The following DNER variants were observed in gnomAD, a reference collection of about 807,000 sequenced individuals.
The protein encoded by DNER is delta and Notch-like epidermal growth factor-related receptor.
In DNER, 33 loss-of-function variants were observed where a neutral mutation model predicts 78.2. The observed-to-expected ratio is 0.42, with a 90% CI of 0.32 to 0.56. The LOEUF (loss-of-function observed/expected upper bound fraction) is 0.56. Ranked by LOEUF, DNER falls within the 20% of genes least tolerant of loss-of-function variation. The pLI is 0.11. For synonymous variants in DNER, 417 were observed against 384.8 expected, an observed-to-expected ratio of 1.08 and a Z score of -0.98; for missense variants, 918 against 975.3, an observed-to-expected ratio of 0.94 and a Z score of 0.78.
Position 229,556,103 on chromosome 2 carries a change from T to A in DNER, c.848-9011A>T, listed in dbSNP as rs75306433. 7.5e-3 allele frequency among the ~76,000 whole-genome samples: 1,141 copies of A among 152,374 alleles called. 4 individuals carry two copies. The highest frequency in any genetic ancestry group is 0.02 in the Middle Eastern group (6 of 294). On this transcript the variant is annotated intron_variant, in intron 4 of 12. Transcript: ENST00000341772. Reference sequence around the variant, plus strand: ...GTTTTAAAGTCCTATTTAACTATTATACTTACCCAGCAATAATGCAAATGA... The same window carrying A: ...GTTTTAAAGTCCTATTTAACTATTAAACTTACCCAGCAATAATGCAAATGA...
chr2:229,409,664 C>T (rs1419743069), intron 9 of DNER, among the ~76,000 whole-genome samples: 2 of 152,028 alleles, frequency 1.3e-5, no homozygotes, highest in African/African-American at 4.8e-5. Context: ...GGAGACAATA[C>T]TTTTTTCCCT....
intron 8 of DNER, among the ~76,000 whole-genome samples, chr2:229,441,879 G>A (rs900300266): frequency 2.0e-5 from 3 of 152,176 alleles, no homozygotes; most frequent in East Asian, 3.9e-4. Flanking sequence ...AGGTCTACCT[G>A]TAAGTGCCAA....
chr2:229,634,453 C>T (rs1028012249), intron 1 of DNER, among the ~76,000 whole-genome samples: 2 of 152,164 alleles, frequency 1.3e-5, no homozygotes, highest in African/African-American at 4.8e-5. Context: ...CATGCAGTTA[C>T]ATTGTATTGG....
Position 229,646,449 on chromosome 2 carries a change from A to G in DNER, c.277-54561T>C, listed in dbSNP as rs181006130. On this transcript the variant is annotated intron_variant, in intron 1 of 12. Coordinates refer to ENST00000341772, the MANE Select transcript of DNER (RefSeq NM_139072.4). ...ATAAGTCAAACAACCATAAATTTGC[A>G]TTTGTATTTTGCTGATGCTGACCAA... 3.2e-3 allele frequency among the ~76,000 whole-genome samples: 487 copies of G among 152,358 alleles called. 1 individual carries two copies. Among genetic ancestry groups the G allele is most frequent in the Non-Finnish European group, 5.6e-3 (383 of 68,030 alleles).
intron 1 of DNER, among the ~76,000 whole-genome samples, chr2:229,700,836 G>A (rs1055533748): frequency 3.3e-5 from 5 of 149,972 alleles, no homozygotes; most frequent in African/African-American, 7.4e-5. Context: ...CAGGAGAATC[G>A]CCTGAACCCA....
intron 4 of DNER, among the ~76,000 whole-genome samples, chr2:229,564,365 T>G (rs1270863616): frequency 8.0e-6 from 1 of 124,722 alleles, no homozygotes; most frequent in Non-Finnish European, 1.7e-5. Flanking sequence ...CCTCACCCCA[T>G]CACCATCATC....
intron 8 of DNER, among the ~76,000 whole-genome samples, chr2:229,426,560 C>T (rs1049078925): frequency 5.9e-5 from 9 of 151,652 alleles, no homozygotes; most frequent in East Asian, 3.9e-4. Flanking sequence ...AGCCCTTTGG[C>T]GCTCTGGAAT....
chr2:229,459,487 T>C (rs969142101), intron 7 of DNER, among the ~76,000 whole-genome samples: 1 of 152,094 alleles, frequency 6.6e-6, no homozygotes, highest in Admixed American at 6.5e-5. Flanking sequence ...GCCGAGCAAT[T>C]GGTATCTATT....
At chr2:229,617,729 G>A (rs957172078) in intron 1 of DNER, among the ~76,000 whole-genome samples, 6 of 152,162 alleles carry the variant, frequency 3.9e-5, no homozygotes, top group African/African-American at 1.4e-4. Flanking sequence ...CAACACAGGA[G>A]GATCACTTGA....
At chr2:229,409,308 C>CA (rs1693455927) in intron 9 of DNER, among the ~76,000 whole-genome samples, 1 of 152,058 alleles carries the variant, frequency 6.6e-6, no homozygotes, top group Admixed American at 6.6e-5. Context: ...AGCCAAGTGA[C>CA]AAAAAAGACT....
In DNER at chr2:229,714,261, T is replaced by A; in HGVS notation, c.163A>T (p.Asn55Tyr). 1 of 1,406,130 alleles carries A rather than the reference T, an allele frequency of 7.1e-7. No individual in the cohort carries two copies. The highest frequency in any genetic ancestry group is 1.5e-5 in the South Asian group (1 of 66,908). 87.1% of individuals were successfully genotyped at this position (1,406,130 alleles called of 1,614,324 possible). A position where few individuals can be genotyped will look rare whatever the true frequency, so the allele number is the denominator to read the frequency against. ...GGGCGCGAGGTGCACACACCCCCATTCCGGCAGGGCTGCGCGGCGCACGGC... is the reference window on the plus strand; with the variant it reads ...GGGCGCGAGGTGCACACACCCCCATACCGGCAGGGCTGCGCGGCGCACGGC... The part of the protein sequence containing the change: ...PGPCAAQPCR[N>Y]GGVCTSRPEP... Residue 55 changes from asparagine to tyrosine, a missense_variant, in exon 1 of 13, where the codon AAT becomes TAT. Physicochemically the swap from Asn to Tyr is moderately radical, Grantham distance 143. Transcript: ENST00000341772.
intron 7 of DNER, among the ~76,000 whole-genome samples, chr2:229,453,488 G>T (rs1470343924): frequency 6.6e-6 from 1 of 152,140 alleles, no homozygotes. Context: ...CACATGGATG[G>T]GAATTGGATT....
intron 1 of DNER, among the ~76,000 whole-genome samples, chr2:229,697,137 A>T (rs1326715694): frequency 6.6e-6 from 1 of 152,272 alleles, no homozygotes; most frequent in East Asian, 1.9e-4. Flanking sequence ...AATGTGATAT[A>T]TATGAACAAT....
chr2:229,375,063 T>C (rs1306379928), intron 11 of DNER, among the ~76,000 whole-genome samples: 1 of 152,212 alleles, frequency 6.6e-6, no homozygotes, highest in Non-Finnish European at 1.5e-5. Flanking sequence ...ATCACATCAA[T>C]AACAACTACC....
At chr2:229,382,425 T>C (rs1486593498) in intron 11 of DNER, among the ~76,000 whole-genome samples, 2 of 152,098 alleles carry the variant, frequency 1.3e-5, no homozygotes, top group East Asian at 3.9e-4. Flanking sequence ...GTTTGACGAA[T>C]TGACAGAAGT....
chr2:229,650,948 C>T (rs1698805884), intron 1 of DNER, among the ~76,000 whole-genome samples: 2 of 152,186 alleles, frequency 1.3e-5, no homozygotes, highest in African/African-American at 4.8e-5. Context: ...TTTTGCTTGC[C>T]TCTCCATCAT....
At chr2:229,479,829 C>T (rs1695118027) in intron 6 of DNER, among the ~76,000 whole-genome samples, 1 of 151,750 alleles carries the variant, frequency 6.6e-6, no homozygotes, top group African/African-American at 2.4e-5. Context: ...TTTTCAAATC[C>T]CTGACTTTAA....
intron 8 of DNER, among the ~76,000 whole-genome samples, chr2:229,436,716 G>A (rs1694127473): frequency 6.6e-6 from 1 of 152,272 alleles, no homozygotes; most frequent in African/African-American, 2.4e-5. Context: ...AAGCAAAGGA[G>A]AAATAAGATG....
At chr2:229,425,648 T>G (rs998992606) in intron 8 of DNER, among the ~76,000 whole-genome samples, 3 of 152,166 alleles carry the variant, frequency 2.0e-5, no homozygotes, top group African/African-American at 7.2e-5. Context: ...TTCCACAGTG[T>G]GTTTGCTCAC....
Sources: allele counts gnomAD v4.1 joint callset (sites outside exome capture counted in the v4.1 genomes callset), GRCh38; gene constraint gnomAD v4.1.1; transcripts MANE v1.5; gene names NCBI Gene and HGNC (gene_info 2026-07-23, HGNC 2026-07-21).